SIN3A: variants seen among roughly 807,000 people sequenced by gnomAD.
The protein encoded by SIN3A is SIN3 transcription regulator family member A.
A neutral mutation model predicts 146.1 loss-of-function variants in SIN3A; 14 were observed. The observed-to-expected ratio is 0.10, with a 90% CI of 0.06 to 0.15. The LOEUF is 0.15. Among genes scored for constraint, SIN3A ranks in the 10% least tolerant of loss-of-function variants. The probability of loss-of-function intolerance (pLI) is 1.00; values close to 1 mark genes in which losing one functional copy is unlikely to be tolerated. For synonymous variants in SIN3A, 572 were observed against 572.0 expected, an observed-to-expected ratio of 1.00 and a Z score of 0.00; for missense variants, 1,028 against 1,576.0, an observed-to-expected ratio of 0.65 and a Z score of 5.89.
At chr15:75,455,249 C>T (rs2074472711), upstream of SIN3A, among the ~76,000 whole-genome samples, 1 of 152,226 alleles carries the variant, frequency 6.6e-6, no homozygotes, top group African/African-American at 2.4e-5. Context: ...CTCGCTAACT[C>T]CAGCTCTCGA....
At chr15:75,390,735 C>T (rs890163222) in intron 15 of SIN3A, among the ~76,000 whole-genome samples, 3 of 152,152 alleles carry the variant, frequency 2.0e-5, no homozygotes, top group African/African-American at 4.8e-5. Flanking sequence ...TATATACATG[C>T]CGTACCTTAT....
At chr15:75,385,778 G>A (rs188890429) in intron 16 of SIN3A, among the ~76,000 whole-genome samples, 24 of 152,264 alleles carry the variant, frequency 1.6e-4, no homozygotes, top group African/African-American at 4.3e-4. Context: ...TAGATAACTG[G>A]ACACAGTGAA....
Position 75,396,253 on chromosome 15 carries a change from T to C in SIN3A, c.2093+5A>G, listed in dbSNP as rs775354953. Reference sequence around the variant, plus strand: ...AAAGCACTAAGGGCACATTTGCTCATGTACCTTTTAAGGACAATTGGAACA... The same window carrying C: ...AAAGCACTAAGGGCACATTTGCTCACGTACCTTTTAAGGACAATTGGAACA... On this transcript the variant is annotated splice_donor_5th_base_variant and intron_variant, in intron 13 of 20. Coordinates refer to ENST00000394947, the MANE Select transcript of SIN3A (RefSeq NM_001145358.2). 6.9e-6 allele frequency: 11 copies of C among 1,603,202 alleles called. No homozygotes were observed. The highest frequency in any genetic ancestry group is 9.4e-6 in the Non-Finnish European group (11 of 1,170,216).
At chr15:75,413,153 C>T (rs2073674490) in intron 4 of SIN3A, 108 bp from the exon 5 acceptor site, 2 of 1,119,980 alleles carry the variant, frequency 1.8e-6, no homozygotes, top group African/African-American at 1.6e-5. Flanking sequence ...CACTCTGTTG[C>T]CCAGGCTGGA....
At chr15:75,417,281 T>C (rs981580825) in intron 3 of SIN3A, among the ~76,000 whole-genome samples, 1 of 152,118 alleles carries the variant, frequency 6.6e-6, no homozygotes, top group Non-Finnish European at 1.5e-5. Flanking sequence ...TTTATTTTGG[T>C]AGTTTAACTG....
At chr15:75,417,143 G>GA (rs904822465) in intron 3 of SIN3A, among the ~76,000 whole-genome samples, 1 of 150,900 alleles carries the variant, frequency 6.6e-6, no homozygotes, top group African/African-American at 2.4e-5. Flanking sequence ...GGCTGGGGGA[G>GA]AAAAAAAACT....
Position 75,410,161 on chromosome 15 carries a change from T to C in SIN3A, c.1134A>G (p.Gln378=), listed in dbSNP as rs751154707. The change falls in exon 7 of 21, where the codon CAA becomes CAG. Residue 378 remains glutamine (Q), a synonymous_variant. Transcript: ENST00000394947. ...CGGAGCTGTTGGCATCTGGTAGGAA[T>C]TGTCCAAACTCTGACAACAAATCTT... ...NQEDLLSEFG[Q]FLPDANSSVL... is the part of the protein sequence containing the mutation. 6.6e-5 allele frequency: 107 copies of C among 1,614,142 alleles called. No individual in the cohort carries two copies. Among genetic ancestry groups the C allele is most frequent in the Non-Finnish European group, 8.5e-5 (100 of 1,180,018 alleles).
At chr15:75,418,288 C>T (rs1336565843) in intron 3 of SIN3A, among the ~76,000 whole-genome samples, 1 of 151,098 alleles carries the variant, frequency 6.6e-6, no homozygotes. Context: ...CCTCGGCCTC[C>T]CAACGTGCTG....
chr15:75,398,199 CG>C (rs1291312592), intron 12 of SIN3A, among the ~76,000 whole-genome samples: 1 of 152,162 alleles, frequency 6.6e-6, no homozygotes, highest in Admixed American at 6.5e-5. Flanking sequence ...AAATAGGATA[CG>C]TATCATTTTA....
chr15:75,399,534 AC>A (rs2073371810), intron 12 of SIN3A, among the ~76,000 whole-genome samples: 1 of 134,306 alleles, frequency 7.4e-6, no homozygotes, highest in Non-Finnish European at 1.5e-5. Context: ...TCTCAAAAAA[AC>A]AAAACAAAAC....
intron 8 of SIN3A, 38 bp from the exon 9 acceptor site, chr15:75,407,182 G>A (rs8024276): frequency 0.14 from 190,210 of 1,371,030 alleles, 16,352 homozygotes; most frequent in African/African-American, 0.34. Flanking sequence ...GATTCAACGA[G>A]TGGTTTTCTC....
At chr15:75,428,588 C>A (rs1265943220) in intron 2 of SIN3A, among the ~76,000 whole-genome samples, 2 of 152,130 alleles carry the variant, frequency 1.3e-5, no homozygotes, top group African/African-American at 4.8e-5. Flanking sequence ...GAGCCTCAAC[C>A]TCCCAGGCTC....
intron 3 of SIN3A, chr15:75,415,556 C>A: frequency 5.2e-6 from 1 of 193,980 alleles, no homozygotes; most frequent in South Asian, 1.1e-4. Flanking sequence ...GAGCCCAACC[C>A]TAAAAAGGAT....
At position 75,380,641 on chromosome 15, in the gene SIN3A, A is replaced by G; in HGVS notation, c.3371T>C (p.Val1124Ala). The G allele has an allele frequency of 6.2e-7, 1 of 1,612,864 alleles. No individual in the cohort carries two copies. The highest frequency in any genetic ancestry group is 1.3e-5 in the African/African-American group (1 of 75,004). ...ELREHLAQKP[V>A]FLPRNLRRIR... ...ATGGCTCACTCACCTGGGGAGAAAT[A>G]CTGGTTTCTGTGCTAGATGTTCACG... Residue 1124 changes from valine to alanine, a missense_variant, in exon 19 of 21, where the codon GTA (valine) becomes GCA (alanine). Val to Ala is a moderately conservative substitution (Grantham distance 64). This residue lies in a region of SIN3A where 488 missense variants were observed against 690.2 expected (regional missense o/e 0.71). Coordinates refer to ENST00000394947, the MANE Select transcript of SIN3A (RefSeq NM_001145358.2).
At chr15:75,387,426 T>A (rs777704374) in intron 16 of SIN3A, among the ~76,000 whole-genome samples, 18 of 147,316 alleles carry the variant, frequency 1.2e-4, no homozygotes, top group Middle Eastern at 6.9e-3. Flanking sequence ...GAGGCTGAGG[T>A]AGGAGGTCAA....
At chr15:75,378,788 A>T (rs1029946964) in intron 19 of SIN3A, among the ~76,000 whole-genome samples, 8 of 152,032 alleles carry the variant, frequency 5.3e-5, no homozygotes, top group African/African-American at 1.7e-4. Flanking sequence ...GCCAGACACT[A>T]AACAAATTTA....
intron 9 of SIN3A, among the ~76,000 whole-genome samples, chr15:75,404,529 G>A (rs1031095699): frequency 6.6e-6 from 1 of 152,140 alleles, no homozygotes; most frequent in African/African-American, 2.4e-5. Flanking sequence ...GGGAGGCCAA[G>A]GCAGGCGGAT....
rs746013741 is a variant in SIN3A at position 75,430,343 on chromosome 15, C to G, written c.33G>C (p.Pro11=). 2 of 1,613,542 alleles carry G rather than the reference C, an allele frequency of 1.2e-6. No homozygotes were observed. The highest frequency in any genetic ancestry group is 2.7e-5 in the African/African-American group (2 of 74,890). Residue 11 remains proline (P), a synonymous_variant, in exon 2 of 21, where the codon CCG becomes CCC. Coordinates refer to ENST00000394947, the MANE Select transcript of SIN3A (RefSeq NM_001145358.2). ...TCCGACGCTGCTGGGCTGCATACAC[C>G]GGTGACTCCTGGTCATCCAAACGCC... MKRRLDDQES[P]VYAAQQRRIP...
In SIN3A at chr15:75,400,887, G is replaced by T. The variant is rs2073399414; in HGVS notation, c.1580C>A (p.Ser527Tyr). The T allele has an allele frequency of 6.2e-7, 1 of 1,613,982 alleles. No homozygotes were observed. The highest frequency in any genetic ancestry group is 1.3e-5 in the African/African-American group (1 of 74,924). The change falls in exon 11 of 21, where the codon TCT becomes TAT. Residue 527 changes from serine to tyrosine, a missense_variant. This residue lies in a region of SIN3A where 157 missense variants were observed against 284.8 expected (regional missense o/e 0.55). Transcript: ENST00000394947. ...CTTTGGATAAGTTTCCAGATGTACAGACTCCTTATAGCCCAGAAAGTTTTT... is the reference window on the plus strand; with the variant it reads ...CTTTGGATAAGTTTCCAGATGTACATACTCCTTATAGCCCAGAAAGTTTTT... ...WFKNFLGYKESVHLETYPKER... is the reference protein window; with the variant it reads ...WFKNFLGYKEYVHLETYPKER...
Sources: gnomAD v4.1 joint callset for allele counts (sites outside exome capture counted in the v4.1 genomes callset) on GRCh38, gnomAD v4.1.1 for gene constraint, gnomAD v4.1.1 regional missense constraint, MANE v1.5 for transcripts, NCBI Gene and HGNC (gene_info 2026-07-23, HGNC 2026-07-21) for gene names.